The following RBMS1 variants were observed in gnomAD, a reference collection of about 807,000 sequenced individuals.
RBMS1 encodes the protein RNA-binding motif, single-stranded-interacting protein 1.
Under a neutral mutation model 62.3 loss-of-function variants are expected in RBMS1, and 17 were observed. The ratio of observed to expected loss-of-function variants is 0.27; its 90% CI spans 0.19 to 0.41. The LOEUF is 0.41. Among genes scored for constraint, RBMS1 ranks in the 10% least tolerant of loss-of-function variants. RBMS1 has a pLI of 1.00. For synonymous variants in RBMS1, 172 were observed against 170.0 expected (o/e 1.01, Z -0.09); for missense variants, 334 against 504.5 (o/e 0.66, Z 3.24).
At chr2:160,388,075 T>C (rs745665114) in intron 1 of RBMS1, among the ~76,000 whole-genome samples, 8 of 152,184 alleles carry the variant, frequency 5.3e-5, no homozygotes, top group Non-Finnish European at 1.2e-4. Flanking sequence ...CTGACGTCAA[T>C]CCTAAGCAAA....
Position 160,318,229 on chromosome 2 carries a change from T to TAAAAAAAAAAAAAAAAAAAAATAA in RBMS1, c.252-3_252-2insTTATTTTTTTTTTTTTTTTTTTTT. ...TTTGTGGAGACTATTTTCCCATATC[T>TAAAAAAAAAAAAAAAAAAAAATAA]AAAAAAAAAAAAAAAAAAAAAAAGG... On this transcript the variant is annotated splice_polypyrimidine_tract_variant and splice_region_variant and intron_variant, in intron 2 of 13. Transcript: ENST00000348849. 8.6e-7 allele frequency: 1 copy of TAAAAAAAAAAAAAAAAAAAAATAA among 1,163,254 alleles called. No individual in the cohort carries two copies. The highest frequency in any genetic ancestry group is 1.1e-6 in the Non-Finnish European group (1 of 929,826). The allele number at this position is 1,163,254 out of a possible 1,614,324, so 72.1% of individuals were successfully genotyped here. A position where few individuals can be genotyped will look rare whatever the true frequency, so the allele number is the denominator to read the frequency against.
chr2:160,280,448 A>G (rs1318341532), intron 10 of RBMS1, among the ~76,000 whole-genome samples: 1 of 152,224 alleles, frequency 6.6e-6, no homozygotes, highest in Non-Finnish European at 1.5e-5. Context: ...TTGCTATTTC[A>G]TATACATGGT....
chr2:160,337,672 G>A (rs946337050), intron 2 of RBMS1, among the ~76,000 whole-genome samples: 1 of 151,986 alleles, frequency 6.6e-6, no homozygotes, highest in Non-Finnish European at 1.5e-5. Context: ...GGGGGGAGGG[G>A]AACCACATAT....
At position 160,328,410 on chromosome 2, in the gene RBMS1, T is replaced by G. The variant is rs184596494; in HGVS notation, c.252-10183A>C. 3.0e-3 allele frequency among the ~76,000 whole-genome samples: 451 copies of G among 151,822 alleles called. 7 individuals are homozygous for G. Among genetic ancestry groups the G allele is most frequent in the East Asian group, 0.014 (75 of 5,184 alleles). ...TTTTTTGTAACTTTTCAGCACAGTTTTTTTTTTTTTCATATTGTAACCTCT... is the reference window on the plus strand; with the variant it reads ...TTTTTTGTAACTTTTCAGCACAGTTGTTTTTTTTTTCATATTGTAACCTCT... On this transcript the variant is annotated intron_variant, in intron 2 of 13. Transcript: ENST00000348849.
intron 1 of RBMS1, among the ~76,000 whole-genome samples, chr2:160,438,603 A>C (rs1257546239): frequency 1.3e-5 from 2 of 152,256 alleles, no homozygotes; most frequent in East Asian, 1.9e-4. Context: ...CAGGATCCCA[A>C]GGCAGAAGAA....
intron 6 of RBMS1, among the ~76,000 whole-genome samples, chr2:160,287,474 G>A (rs1054670506): frequency 3.9e-5 from 6 of 152,074 alleles, no homozygotes; most frequent in South Asian, 2.1e-4. Flanking sequence ...GTCCCTTAGC[G>A]TCCCATTATA....
chr2:160,375,994 C>T lies in RBMS1; in HGVS notation c.76-8603G>A, dbSNP rs548314290. ...CCTCTGCAATGCATTTCCTGCCTCA[C>T]CCCAGTAGATTTAGGATTCCAGGGC... On this transcript the variant is annotated intron_variant, in intron 1 of 13. Transcript: ENST00000348849. 5.9e-5 allele frequency among the ~76,000 whole-genome samples: 9 copies of T among 152,186 alleles called. No individual in the cohort carries two copies. The South Asian group carries it at 1.9e-3, about 32-fold the overall frequency.
At chr2:160,377,330 C>T (rs1458269339) in intron 1 of RBMS1, among the ~76,000 whole-genome samples, 1 of 152,174 alleles carries the variant, frequency 6.6e-6, no homozygotes, top group Admixed American at 6.5e-5. Context: ...AATATTGCCA[C>T]CTACAGGTTA....
intron 1 of RBMS1, among the ~76,000 whole-genome samples, chr2:160,420,792 A>G (rs1696393150): frequency 2.0e-5 from 3 of 152,184 alleles, no homozygotes; most frequent in Non-Finnish European, 4.4e-5. Flanking sequence ...GGTTACAGGA[A>G]CCCAGAAAAG....
chr2:160,424,648 T>G (rs1459219994), intron 1 of RBMS1, among the ~76,000 whole-genome samples: 1 of 152,174 alleles, frequency 6.6e-6, no homozygotes, highest in Non-Finnish European at 1.5e-5. Flanking sequence ...CAACATTCAG[T>G]TAAAAACTTT....
intron 1 of RBMS1, among the ~76,000 whole-genome samples, chr2:160,474,450 G>A (rs1326376910): frequency 1.3e-5 from 2 of 152,138 alleles, no homozygotes; most frequent in Non-Finnish European, 2.9e-5. Flanking sequence ...CAAGATCATG[G>A]GATTTTGCGG....
chr2:160,314,812 T>A (rs181824211), intron 3 of RBMS1, among the ~76,000 whole-genome samples: 36 of 152,302 alleles, frequency 2.4e-4, no homozygotes, highest in African/African-American at 8.7e-4. Context: ...GATACTCAAC[T>A]ACCAGGTTAG....
At chr2:160,467,088 A>G (rs1431190051) in intron 1 of RBMS1, among the ~76,000 whole-genome samples, 2 of 152,158 alleles carry the variant, frequency 1.3e-5, no homozygotes, top group East Asian at 1.9e-4. Context: ...GAGCAACACT[A>G]TGGAAGGAGA....
chr2:160,458,796 C>CAAAAA (rs72225066), intron 1 of RBMS1, among the ~76,000 whole-genome samples: 1 of 126,242 alleles, frequency 7.9e-6, no homozygotes. Context: ...AACTCTGTCT[C>CAAAAA]AAAAAAAAAA....
At chr2:160,387,691 T>A (rs1006592663) in intron 1 of RBMS1, among the ~76,000 whole-genome samples, 13 of 152,116 alleles carry the variant, frequency 8.5e-5, no homozygotes, top group Admixed American at 7.9e-4. Context: ...GGGCTCAATA[T>A]ATGCTCAGGA....
chr2:160,413,943 T>C (rs1349029482), intron 1 of RBMS1, among the ~76,000 whole-genome samples: 1 of 152,198 alleles, frequency 6.6e-6, no homozygotes. Flanking sequence ...ATATTAATAA[T>C]GGTTATTACT....
chr2:160,349,553 A>AG (rs1692371163), intron 2 of RBMS1, among the ~76,000 whole-genome samples: 4 of 142,748 alleles, frequency 2.8e-5, no homozygotes, highest in Admixed American at 7.1e-5. Flanking sequence ...CAGAGACAGA[A>AG]AGAGAGAGAG....
chr2:160,377,430 G>A (rs1010360574), intron 1 of RBMS1, among the ~76,000 whole-genome samples: 5 of 152,184 alleles, frequency 3.3e-5, no homozygotes, highest in African/African-American at 4.8e-5. Flanking sequence ...GCCATTTGGG[G>A]TGGGGTCAAG....
intron 4 of RBMS1, 49 bp downstream of exon 4, chr2:160,313,107 C>A: frequency 6.3e-7 from 1 of 1,575,736 alleles, no homozygotes; most frequent in Non-Finnish European, 8.7e-7. Flanking sequence ...TGTCGGGCTT[C>A]ACAACCAAAG....
Sources: gnomAD v4.1 joint callset for allele counts (sites outside exome capture counted in the v4.1 genomes callset) on GRCh38, gnomAD v4.1.1 for gene constraint, MANE v1.5 for transcripts, NCBI Gene and HGNC (gene_info 2026-07-23, HGNC 2026-07-21) for gene names.